Variants in FLI1 observed in about 807,000 individuals in gnomAD.
The protein encoded by FLI1 is Friend leukemia integration 1 transcription factor.
A neutral mutation model predicts 53.1 loss-of-function variants in FLI1; 13 were observed. That is an observed-to-expected ratio of 0.24 (90% confidence interval 0.16 to 0.39). The LOEUF (loss-of-function observed/expected upper bound fraction) is 0.39. Among genes scored for constraint, FLI1 ranks in the 10% least tolerant of loss-of-function variants. The pLI is 1.00. For missense variants in FLI1, 424 were observed against 600.5 expected (o/e 0.71, Z 3.07); for synonymous variants, 244 against 236.7 (o/e 1.03, Z -0.28).
intron 1 of FLI1, among the ~76,000 whole-genome samples, chr11:128,736,734 G>C (rs1565474012): frequency 6.6e-6 from 1 of 152,184 alleles, no homozygotes; most frequent in Non-Finnish European, 1.5e-5. Context: ...GATAGCTGCT[G>C]TTTTGTATAT....
chr11:128,700,307 G>T (rs921231557), intron 1 of FLI1, among the ~76,000 whole-genome samples: 5 of 152,188 alleles, frequency 3.3e-5, no homozygotes, highest in Non-Finnish European at 7.4e-5. Context: ...TTGCCCAAGA[G>T]TATAACTAAC....
intron 1 of FLI1, among the ~76,000 whole-genome samples, chr11:128,752,603 G>A (rs181490141): frequency 2.0e-5 from 3 of 152,352 alleles, no homozygotes; most frequent in Admixed American, 1.3e-4. Context: ...TAGTGGTTAT[G>A]TGCTTAGGCT....
chr11:128,774,965 G>T (rs544413325), intron 4 of FLI1, among the ~76,000 whole-genome samples: 9 of 152,294 alleles, frequency 5.9e-5, no homozygotes, highest in African/African-American at 1.9e-4. Flanking sequence ...ATTTTGGGGG[G>T]TATAGCATGG....
chr11:128,803,123 C>G (rs547212108), intron 5 of FLI1, among the ~76,000 whole-genome samples: 2,094 of 118,964 alleles, frequency 0.018, 48 homozygotes, highest in African/African-American at 0.068. Flanking sequence ...ATGACATGTA[C>G]GATTCCCTGG....
intron 1 of FLI1, among the ~76,000 whole-genome samples, chr11:128,734,971 C>T (rs1407393698): frequency 1.3e-5 from 2 of 152,188 alleles, no homozygotes; most frequent in African/African-American, 2.4e-5. Context: ...AGTGCAGCCT[C>T]GTGGAAAGGG....
At chr11:128,762,192 A>G (rs1245533319) in intron 2 of FLI1, among the ~76,000 whole-genome samples, 1 of 152,168 alleles carries the variant, frequency 6.6e-6, no homozygotes, top group Non-Finnish European at 1.5e-5. Flanking sequence ...CATCCTGAAC[A>G]CTGTGCTTCT....
intron 1 of FLI1, among the ~76,000 whole-genome samples, chr11:128,710,633 A>G (rs1938749862): frequency 6.6e-6 from 1 of 152,236 alleles, no homozygotes; most frequent in Admixed American, 6.5e-5. Context: ...TATGAAGAAC[A>G]TCTGACACAA....
At chr11:128,709,924 T>G (rs897573437) in intron 1 of FLI1, among the ~76,000 whole-genome samples, 1 of 152,200 alleles carries the variant, frequency 6.6e-6, no homozygotes, top group Non-Finnish European at 1.5e-5. Flanking sequence ...GTTGTGACAG[T>G]CTGTATTAAG....
chr11:128,797,458 T>C (rs1942474527), intron 5 of FLI1, among the ~76,000 whole-genome samples: 1 of 152,380 alleles, frequency 6.6e-6, no homozygotes, highest in Admixed American at 6.5e-5. Context: ...ATTTTCATAA[T>C]GTTAGATCAA....
chr11:128,728,829 T>C (rs1204383778), intron 1 of FLI1, among the ~76,000 whole-genome samples: 3 of 152,214 alleles, frequency 2.0e-5, no homozygotes, highest in Non-Finnish European at 4.4e-5. Flanking sequence ...TGATGAACCA[T>C]CTAGAACTAA....
chr11:128,757,088 C>CTTTCTTTA (rs1940915140), intron 1 of FLI1, among the ~76,000 whole-genome samples: 1 of 147,086 alleles, frequency 6.8e-6, no homozygotes, highest in Non-Finnish European at 1.5e-5. Flanking sequence ...TTCTTTCTTT[C>CTTTCTTTA]TTTCTTTCTT....
intron 3 of FLI1, chr11:128,768,621 G>A (rs931798553): frequency 8.3e-5 from 20 of 239,830 alleles, no homozygotes; most frequent in African/African-American, 1.1e-4. Context: ...CCGGGAAGGC[G>A]GAGGTTGCAG....
chr11:128,801,785 C>T (rs1349719053), intron 5 of FLI1, among the ~76,000 whole-genome samples: 1 of 152,178 alleles, frequency 6.6e-6, no homozygotes, highest in Non-Finnish European at 1.5e-5. Context: ...TACTTAGAGT[C>T]TACTAACTCT....
At chr11:128,755,305 G>A (rs1298745126) in intron 1 of FLI1, among the ~76,000 whole-genome samples, 2 of 152,168 alleles carry the variant, frequency 1.3e-5, no homozygotes, top group African/African-American at 4.8e-5. Flanking sequence ...TATTTTACTG[G>A]AAACTCCAAG....
chr11:128,721,175 C>A (rs1290168872), intron 1 of FLI1, among the ~76,000 whole-genome samples: 1 of 152,182 alleles, frequency 6.6e-6, no homozygotes, highest in African/African-American at 2.4e-5. Context: ...CTGTAGGATG[C>A]ACCACAGACA....
chr11:128,802,727 A>C (rs1271127110), intron 5 of FLI1, among the ~76,000 whole-genome samples: 1 of 152,240 alleles, frequency 6.6e-6, no homozygotes, highest in Non-Finnish European at 1.5e-5. Context: ...CTGGGGCACC[A>C]CAGAAAGATG....
chr11:128,708,923 A>C (rs1299084005), intron 1 of FLI1, among the ~76,000 whole-genome samples: 3 of 152,220 alleles, frequency 2.0e-5, no homozygotes, highest in African/African-American at 7.2e-5. Context: ...ATGTAAATAT[A>C]ATGTGTCAAT....
intron 1 of FLI1, among the ~76,000 whole-genome samples, chr11:128,757,715 C>A (rs911722983): frequency 6.6e-6 from 1 of 152,164 alleles, no homozygotes. Context: ...GATGACTCCA[C>A]TCAGCTCGTA....
At chr11:128,717,147 C>T (rs1332550300) in intron 1 of FLI1, among the ~76,000 whole-genome samples, 3 of 152,104 alleles carry the variant, frequency 2.0e-5, no homozygotes, top group Non-Finnish European at 4.4e-5. Context: ...ACATGAAAGG[C>T]CTTGCTTCCT....
Sources: gnomAD v4.1 joint callset for allele counts (sites outside exome capture counted in the v4.1 genomes callset) on GRCh38, gnomAD v4.1.1 for gene constraint, MANE v1.5 for transcripts, NCBI Gene and HGNC (gene_info 2026-07-23, HGNC 2026-07-21) for gene names.